NLRP5: variants seen among roughly 807,000 people sequenced by gnomAD.
The protein encoded by NLRP5 is NLR family pyrin domain containing 5, also known as NACHT, LRR and PYD domains-containing protein 5.
In NLRP5, 93 loss-of-function variants were observed where a neutral mutation model predicts 113.1. The observed-to-expected ratio is 0.82, with a 90% CI of 0.70 to 0.98. The LOEUF is 0.98. Among genes scored for constraint, NLRP5 ranks in the 50% least tolerant of loss-of-function variants. NLRP5 has a pLI of 0.00. For synonymous variants in NLRP5, 751 were observed against 600.7 expected, an observed-to-expected ratio of 1.25 and a Z score of -3.66; for missense variants, 1,808 against 1,514.3, an observed-to-expected ratio of 1.19 and a Z score of -3.22.
chr19:56,038,207 T>C lies in NLRP5; in HGVS notation c.2786+12T>C, dbSNP rs1210544926. 1.9e-6 allele frequency: 3 copies of C among 1,611,940 alleles called. No individual in the cohort carries two copies. Among genetic ancestry groups the C allele is most frequent in the Non-Finnish European group, 2.5e-6 (3 of 1,178,474 alleles). ...CTGCAGAAGCTGATGTGAGTGCCAC[T>C]TCCTTTCCACCAGGATTATCGTAAC... On this transcript the variant is annotated intron_variant, in intron 10 of 14. Transcript: ENST00000390649.
chr19:56,024,463 A>G (rs1413944009), intron 6 of NLRP5, among the ~76,000 whole-genome samples: 1 of 148,108 alleles, frequency 6.8e-6, no homozygotes, highest in Admixed American at 6.8e-5. Context: ...ACGTACATAC[A>G]TATATACGTG....
At chr19:56,012,090 T>C (rs1982215547) in intron 3 of NLRP5, among the ~76,000 whole-genome samples, 1 of 152,174 alleles carries the variant, frequency 6.6e-6, no homozygotes, top group Admixed American at 6.6e-5. Context: ...GCTCAAGACA[T>C]AGCTCCTAAT....
At chr19:55,988,458 A>ATATATATATATATATGTG in the NLRP5 span, 1 of 145,422 alleles carries the variant, frequency 6.9e-6, no homozygotes, top group Non-Finnish European at 1.5e-5. Context: ...ATATATATAT[A>ATATATATATATATATGTG]TATATATATA....
rs1273138632 is a variant in NLRP5 at position 56,043,566 on chromosome 19, T to C, written c.2957+2474T>C. On this transcript the variant is annotated intron_variant, in intron 11 of 14. Transcript: ENST00000390649. ...TCTTTTTTTTTTTTTTTTTTTTTTTTTTTTTTTTTTTTTTTTTGAGATGGA... is the reference window on the plus strand; with the variant it reads ...TCTTTTTTTTTTTTTTTTTTTTTTTCTTTTTTTTTTTTTTTTTGAGATGGA... Among the ~76,000 whole-genome samples, 48 of 47,862 alleles carry C rather than the reference T, an allele frequency of 1.0e-3. 1 individual carries two copies. Among genetic ancestry groups the C allele is most frequent in the African/African-American group, 2.5e-3 (44 of 17,494 alleles). The allele number at this position is 47,862 out of a possible 152,430, so 31.4% of individuals were successfully genotyped here.
upstream of NLRP5, among the ~76,000 whole-genome samples, chr19:55,999,026 G>C (rs1023944848): frequency 2.0e-5 from 3 of 151,442 alleles, no homozygotes; most frequent in Non-Finnish European, 2.9e-5. Context: ...TTGCCATGCT[G>C]TGCAGGGGAT....
chr19:56,004,274 TA>T (rs571739058), intron 2 of NLRP5, among the ~76,000 whole-genome samples, 179 bp downstream of exon 2: 2 of 151,984 alleles, frequency 1.3e-5, no homozygotes, highest in Non-Finnish European at 2.9e-5. Flanking sequence ...CTCTAGCCTG[TA>T]AAATAATGGA....
chr19:56,054,468 G>C (rs1984051560), intron 13 of NLRP5, among the ~76,000 whole-genome samples: 1 of 151,294 alleles, frequency 6.6e-6, no homozygotes. Context: ...TGAGGCAGGA[G>C]AATCACTTGA....
chr19:55,999,052 C>T (rs534621474), upstream of NLRP5, among the ~76,000 whole-genome samples: 30 of 151,944 alleles, frequency 2.0e-4, 1 homozygote, highest in South Asian at 6.2e-4. Context: ...AAACTCATTT[C>T]TCTGACTGAA....
chr19:56,003,007 G>A (rs1454659269), intron 1 of NLRP5, among the ~76,000 whole-genome samples: 1 of 150,320 alleles, frequency 6.7e-6, no homozygotes, highest in Non-Finnish European at 1.5e-5. Context: ...CACTGTTGGT[G>A]GGACCGTAAA....
At chr19:56,022,740 T>C (rs79322114) in intron 6 of NLRP5, among the ~76,000 whole-genome samples, 3 of 152,208 alleles carry the variant, frequency 2.0e-5, no homozygotes, top group Non-Finnish European at 4.4e-5. Context: ...GTTTTTTGTT[T>C]TGAGACTGAG....
the NLRP5 span, among the ~76,000 whole-genome samples, chr19:55,989,072 T>C: frequency 4.6e-5 from 7 of 152,204 alleles, no homozygotes; most frequent in Non-Finnish European, 7.3e-5. Flanking sequence ...TGGTTCTATT[T>C]TGAGCAATAC....
intron 4 of NLRP5, chr19:56,018,518 C>T (rs1982492796): frequency 6.6e-6 from 1 of 152,192 alleles, no homozygotes; most frequent in Non-Finnish European, 1.5e-5. Context: ...AAACATTTAA[C>T]TTCAGTAACT....
At chr19:56,013,293 C>T (rs980114981) in intron 3 of NLRP5, among the ~76,000 whole-genome samples, 21 of 151,970 alleles carry the variant, frequency 1.4e-4, no homozygotes, top group African/African-American at 2.7e-4. Flanking sequence ...CCCTGGTTCA[C>T]GCTATTTTCC....
rs367661215 is a variant in NLRP5, at chr19:56,053,678, C to G, written c.3169C>G (p.Leu1057Val). 2.6e-4 allele frequency: 419 copies of G among 1,613,974 alleles called. No homozygotes were observed. In the South Asian group the frequency reaches 3.9e-3, roughly 15 times the overall value. Reference sequence around the variant, plus strand: ...TCTCACCGCCGCGTGCTGTGAGAGTCTGTCCTGTGTGATCTCGAGGAGCAG... The same window carrying G: ...TCTCACCGCCGCGTGCTGTGAGAGTGTGTCCTGTGTGATCTCGAGGAGCAG... Residue 1057 changes from leucine (L) to valine (V), a missense_variant, in exon 13 of 15, where the codon CTG becomes GTG. Leu to Val is a conservative substitution (Grantham distance 32, BLOSUM62 1). Transcript: ENST00000390649.
chr19:56,030,167 C>T (rs551848141), intron 7 of NLRP5, among the ~76,000 whole-genome samples: 6 of 151,768 alleles, frequency 4.0e-5, no homozygotes, highest in African/African-American at 1.2e-4. Flanking sequence ...GTCAGGAGTT[C>T]GAGACCAGCC....
upstream of NLRP5, among the ~76,000 whole-genome samples, chr19:55,995,900 T>C (rs1981308696): frequency 6.6e-6 from 1 of 152,204 alleles, no homozygotes; most frequent in South Asian, 2.1e-4. Context: ...TGCTACTGTT[T>C]TTATGTTGAT....
intron 2 of NLRP5, among the ~76,000 whole-genome samples, chr19:56,005,505 T>TACACACATATATATTTATGTAC (rs199499771): frequency 3.9e-5 from 5 of 126,854 alleles, no homozygotes; most frequent in Non-Finnish European, 8.5e-5. Flanking sequence ...GGCATGCCTG[T>TACACACATATATATTTATGTAC]ACACATATAT....
chr19:56,031,116 A>G (rs1214621777), intron 7 of NLRP5, among the ~76,000 whole-genome samples: 1 of 152,150 alleles, frequency 6.6e-6, no homozygotes, highest in African/African-American at 2.4e-5. Flanking sequence ...AAACTCAGAC[A>G]GGAGATGATT....
At chr19:56,001,446 T>TG (rs1981648446) in intron 1 of NLRP5, among the ~76,000 whole-genome samples, 7 of 34,084 alleles carry the variant, frequency 2.1e-4, no homozygotes, top group African/African-American at 7.5e-4. Context: ...ACTCTCCTAA[T>TG]TACTTGAAAT....
Sources: allele counts gnomAD v4.1 joint callset (sites outside exome capture counted in the v4.1 genomes callset), GRCh38; gene constraint gnomAD v4.1.1; transcripts MANE v1.5; gene names NCBI Gene and HGNC (gene_info 2026-07-23, HGNC 2026-07-21).